Variants in CNTRL observed in about 807,000 individuals in gnomAD.
CNTRL encodes the protein 110 kDa centrosomal protein.
CNTRL carries 233 observed loss-of-function variants against 303.7 expected under a neutral mutation model. The ratio of observed to expected loss-of-function variants is 0.77; its 90% CI spans 0.69 to 0.86. CNTRL has a LOEUF of 0.86. CNTRL is among the 40% of genes least tolerant of loss of function. The probability of loss-of-function intolerance (pLI) is 0.00; values close to 1 mark genes in which losing one functional copy is unlikely to be tolerated. For synonymous variants in CNTRL, 900 were observed against 922.2 expected, an observed-to-expected ratio of 0.98 and a Z score of 0.44; for missense variants, 2,524 against 2,650.6, an observed-to-expected ratio of 0.95 and a Z score of 1.05.
At chr9:121,137,875 T>G (rs2133912341) in intron 15 of CNTRL, among the ~76,000 whole-genome samples, 1 of 152,282 alleles carries the variant, frequency 6.6e-6, no homozygotes. Context: ...CAAAATTATT[T>G]TAAGAGCCTG....
At chr9:121,149,010 CGTT>C in intron 24 of CNTRL, 149 bp downstream of exon 24, 1 of 676,422 alleles carries the variant, frequency 1.5e-6, no homozygotes, top group South Asian at 2.3e-5. Context: ...GACCTCTTGT[CGTT>C]GTTTTAAACC....
Position 121,146,111 on chromosome 9 carries a change from A to G in CNTRL, c.3314A>G (p.Asn1105Ser). 2 of 1,607,368 alleles carry G rather than the reference A, an allele frequency of 1.2e-6. No individual in the cohort carries two copies. Among genetic ancestry groups the G allele is most frequent in the South Asian group, 1.1e-5 (1 of 88,938 alleles). Residue 1105 changes from asparagine (N) to serine (S), a missense_variant, in exon 23 of 44, where the codon AAC (asparagine) becomes AGC (serine). Transcript: ENST00000373855. ...ATAGAATGACTTTTCTTTACAGACA[A>G]CAAAGGAGGCTTTGAAAATGTTTTA... ...QNVLDLTGSD[N>S]KGGFENVLEE...
chr9:121,098,717 A>G, intron 7 of CNTRL, 145 bp downstream of exon 7: 2 of 647,898 alleles, frequency 3.1e-6, no homozygotes, highest in Non-Finnish European at 5.2e-6. Context: ...ACAAATATTT[A>G]CTGAGTGTGT....
rs148397936 is a variant in CNTRL, at chr9:121,090,477, A to G, written c.348+72A>G. On this transcript the variant is annotated intron_variant, in intron 4 of 43. Transcript: ENST00000373855. ...CTGTGCTTTAATACTGCGAAAAAAA[A>G]TTATCCTAATGTCACCTAATTTGTG... 571 of 1,395,314 alleles carry G rather than the reference A, an allele frequency of 4.1e-4. 5 individuals carry two copies. In the African/African-American group the frequency reaches 7.1e-3, roughly 17 times the overall value. 86.4% of individuals were successfully genotyped at this position (1,395,314 alleles called of 1,614,324 possible). A position where few individuals can be genotyped will look rare whatever the true frequency, so the allele number is the denominator to read the frequency against.
At chr9:121,089,199 ATTG>A (rs751953623) in intron 3 of CNTRL, among the ~76,000 whole-genome samples, 16 of 152,226 alleles carry the variant, frequency 1.1e-4, no homozygotes, top group African/African-American at 3.6e-4. Context: ...AAGTTGGCAT[ATTG>A]TTATTTCTAA....
At chr9:121,151,090 T>G (rs932094746) in intron 25 of CNTRL, among the ~76,000 whole-genome samples, 5 of 152,210 alleles carry the variant, frequency 3.3e-5, no homozygotes, top group African/African-American at 4.8e-5. Context: ...ATAGTTTATA[T>G]TTCGGTGGGG....
chr9:121,088,508 A>C lies in CNTRL; in HGVS notation c.182A>C (p.Glu61Ala). ...TGTGAGCAAGTTGAGATTGCAGATG[A>C]AAACAATATGCTTTTGGACTATCAA... is the stretch of plus-strand genomic sequence containing the variant. The part of the protein sequence containing the change: ...QWCEQVEIAD[E>A]NNMLLDYQDH... Residue 61 changes from glutamate (E) to alanine (A), a missense_variant, in exon 3 of 44, where the codon GAA (glutamate) becomes GCA (alanine). By Grantham distance (107) the Glu-to-Ala change is moderately radical. Coordinates refer to ENST00000373855, the MANE Select transcript of CNTRL (RefSeq NM_007018.6). 1 of 1,611,384 alleles carries C rather than the reference A, an allele frequency of 6.2e-7. No homozygotes were observed. Among genetic ancestry groups the C allele is most frequent in the South Asian group, 1.1e-5 (1 of 90,988 alleles).
chr9:121,139,051 T>A (rs2051356900), intron 16 of CNTRL, among the ~76,000 whole-genome samples: 1 of 152,206 alleles, frequency 6.6e-6, no homozygotes, highest in Admixed American at 6.5e-5. Context: ...AATGTCTTTG[T>A]AATTATCCAG....
At chr9:121,123,553 C>T (rs2050350128) in intron 12 of CNTRL, among the ~76,000 whole-genome samples, 1 of 152,116 alleles carries the variant, frequency 6.6e-6, no homozygotes, top group South Asian at 2.1e-4. Context: ...GAGCTGAGAT[C>T]GTGCCTCTGC....
intron 14 of CNTRL, among the ~76,000 whole-genome samples, chr9:121,128,176 G>A (rs1255566694): frequency 2.0e-5 from 3 of 152,102 alleles, no homozygotes; most frequent in African/African-American, 7.2e-5. Context: ...GGGATCGCTG[G>A]GTCAAATGGT....
rs748728567 is a variant in CNTRL at position 121,124,027 on chromosome 9, T to G, written c.1747T>G (p.Ser583Ala). ...QLESRLDEIL[S>A]RIAKETEEIK... ...TGAAAGTCGTTTGGATGAGATACTTTCTAGAATTGCTAAGGAAACGGAAGA... is the reference window on the plus strand; with the variant it reads ...TGAAAGTCGTTTGGATGAGATACTTGCTAGAATTGCTAAGGAAACGGAAGA... The change falls in exon 13 of 44, where the codon TCT (serine) becomes GCT (alanine). Residue 583 changes from serine (S) to alanine (A), a missense_variant. Physicochemically the swap from Ser to Ala is moderately conservative, Grantham distance 99. Coordinates refer to ENST00000373855, the MANE Select transcript of CNTRL (RefSeq NM_007018.6). 36 of 1,613,024 alleles carry G rather than the reference T, an allele frequency of 2.2e-5. No individual in the cohort carries two copies. Among genetic ancestry groups the G allele is most frequent in the Non-Finnish European group, 3.0e-5 (35 of 1,179,608 alleles).
intron 19 of CNTRL, among the ~76,000 whole-genome samples, chr9:121,142,987 C>T (rs1025508569): frequency 1.3e-5 from 2 of 152,108 alleles, no homozygotes; most frequent in African/African-American, 4.8e-5. Flanking sequence ...AAAACTGAAG[C>T]TCTCTGCTTT....
Position 121,173,540 on chromosome 9 carries a change from C to T in CNTRL, c.6684+31C>T, listed in dbSNP as rs116903878. The T allele has an allele frequency of 2.1e-3, 3,392 of 1,610,308 alleles. 32 individuals are homozygous for T. The East Asian group carries it at 0.029, about 14-fold the overall frequency. On this transcript the variant is annotated intron_variant, in intron 41 of 43. Coordinates refer to ENST00000373855, the MANE Select transcript of CNTRL (RefSeq NM_007018.6). ...GGTTTATCCTGCTATTCTCTGGGTT[C>T]GTAGGATTGACCACCTCCCCCAGCT...
At chr9:121,089,671 AAAAC>A (rs1406033329) in intron 3 of CNTRL, among the ~76,000 whole-genome samples, 2 of 152,234 alleles carry the variant, frequency 1.3e-5, no homozygotes, top group African/African-American at 4.8e-5. Context: ...ATTTTCTAAA[AAAAC>A]AAACAACTAA....
At position 121,125,731 on chromosome 9, in the gene CNTRL, A is replaced by G. The variant is rs1159519082; in HGVS notation, c.1820A>G (p.Asn607Ser). Residue 607 changes from asparagine (N) to serine (S), a missense_variant, in exon 14 of 44, where the codon AAT becomes AGT. By Grantham distance (46) the Asn-to-Ser change is conservative. Coordinates refer to ENST00000373855, the MANE Select transcript of CNTRL (RefSeq NM_007018.6). ...TCTTGCTTAGGCCAGATAGCAGCAA[A>G]TGAAGCCCTGAAGAAGGATTTAGAA... is the stretch of plus-strand genomic sequence containing the variant. ...EQLTEGQIAA[N>S]EALKKDLEGV... 1.2e-6 allele frequency: 2 copies of G among 1,614,034 alleles called. No individual in the cohort carries two copies. The highest frequency in any genetic ancestry group is 1.3e-5 in the African/African-American group (1 of 74,930).
chr9:121,137,584 A>T (rs1053438428), intron 15 of CNTRL, among the ~76,000 whole-genome samples: 3 of 152,226 alleles, frequency 2.0e-5, no homozygotes, highest in African/African-American at 7.2e-5. Flanking sequence ...ATATTTCTTT[A>T]CTTATGAGAT....
intron 16 of CNTRL, 88 bp downstream of exon 16, chr9:121,138,767 A>G: frequency 7.5e-7 from 1 of 1,338,050 alleles, no homozygotes. Flanking sequence ...AACCTGCTCT[A>G]ACATGTAGTA....
rs750862446 is a variant in CNTRL at position 121,164,967 on chromosome 9, T to C, written c.5448T>C (p.Asn1816=). Residue 1816 remains asparagine (N), a synonymous_variant, in exon 35 of 44, where the codon AAT becomes AAC. Coordinates refer to ENST00000373855, the MANE Select transcript of CNTRL (RefSeq NM_007018.6). ...GGGTTTTAGCAGCAGCAGAAGAAAA[T>C]AGCAAAATGGAGCAATCAAACTTAG... ...TKRVLAAAEE[N]SKMEQSNLEK... 1 of 1,612,516 alleles carries C rather than the reference T, an allele frequency of 6.2e-7. No individual in the cohort carries two copies. Among genetic ancestry groups the C allele is most frequent in the Non-Finnish European group, 8.5e-7 (1 of 1,179,600 alleles).
chr9:121,094,059 A>G (rs1168385940), intron 4 of CNTRL, among the ~76,000 whole-genome samples: 1 of 151,990 alleles, frequency 6.6e-6, no homozygotes, highest in Non-Finnish European at 1.5e-5. Flanking sequence ...GCAGTGAGCC[A>G]AGATTGCGCC....
Sources: allele counts gnomAD v4.1 joint callset (sites outside exome capture counted in the v4.1 genomes callset), GRCh38; gene constraint gnomAD v4.1.1; transcripts MANE v1.5; gene names NCBI Gene and HGNC (gene_info 2026-07-23, HGNC 2026-07-21).